ANO4: variants seen among roughly 807,000 people sequenced by gnomAD.
ANO4 encodes anoctamin 4, also known as anoctamin-4.
A neutral mutation model predicts 141.9 loss-of-function variants in ANO4; 69 were observed. That is an observed-to-expected ratio of 0.49 (90% CI 0.40 to 0.59). The LOEUF (loss-of-function observed/expected upper bound fraction) is 0.59, where lower values mean the gene tolerates loss of function less well. Among genes scored for constraint, ANO4 ranks in the 20% least tolerant of loss-of-function variants. The pLI, the probability that ANO4 is intolerant of heterozygous loss-of-function variation, is 0.00. For synonymous variants in ANO4, 350 were observed against 394.3 expected (o/e 0.89, Z 1.33); for missense variants, 894 against 1,162.2 (o/e 0.77, Z 3.36).
chr12:100,805,587 G>A (rs536601522), intron 1 of ANO4, among the ~76,000 whole-genome samples: 69 of 152,302 alleles, frequency 4.5e-4, no homozygotes, highest in African/African-American at 1.6e-3. Context: ...CCATGAGCAT[G>A]AGCATTGATT....
At chr12:101,064,564 T>C (rs936048545) in intron 14 of ANO4, among the ~76,000 whole-genome samples, 2 of 151,962 alleles carry the variant, frequency 1.3e-5, no homozygotes, top group African/African-American at 4.8e-5. Flanking sequence ...ATGCCTAATG[T>C]ACATGATGGG....
At chr12:100,739,724 T>C (rs1275575836) in intron 2 of ANO4, 2 of 632,556 alleles carry the variant, frequency 3.2e-6, no homozygotes, top group Non-Finnish European at 5.8e-6. Flanking sequence ...TGCCTGTTTA[T>C]TATGAACATG....
chr12:100,935,124 C>T (rs2042232480), intron 3 of ANO4, among the ~76,000 whole-genome samples: 1 of 152,138 alleles, frequency 6.6e-6, no homozygotes, highest in Non-Finnish European at 1.5e-5. Context: ...ACTTCCAATA[C>T]AATGTTGAAT....
At chr12:100,982,210 G>T (rs1271503075) in intron 7 of ANO4, among the ~76,000 whole-genome samples, 5 of 152,158 alleles carry the variant, frequency 3.3e-5, no homozygotes, top group African/African-American at 1.2e-4. Context: ...GTGTAAGAGG[G>T]CTTTTGCTCA....
intron 14 of ANO4, among the ~76,000 whole-genome samples, chr12:101,074,715 A>G (rs1248872368): frequency 1.3e-5 from 2 of 152,350 alleles, no homozygotes; most frequent in African/African-American, 4.8e-5. Context: ...CGTTGATACT[A>G]TTATTAAGTT....
Position 101,077,890 on chromosome 12 carries a change from C to T in ANO4, c.1313-1303C>T, listed in dbSNP as rs181302739. ...GGGATTGTGGACCTGTATTACCCTC[C>T]TTCTTTTGCTTATCCGGAAATTAAG... On this transcript the variant is annotated intron_variant, in intron 14 of 27. Transcript: ENST00000392977. 1.7e-4 allele frequency among the ~76,000 whole-genome samples: 26 copies of T among 152,192 alleles called. No individual in the cohort carries two copies. The East Asian group carries it at 4.6e-3, about 27-fold the overall frequency.
intron 7 of ANO4, among the ~76,000 whole-genome samples, chr12:100,981,164 G>A (rs535501443): frequency 1.3e-5 from 2 of 152,166 alleles, no homozygotes; most frequent in African/African-American, 4.8e-5. Flanking sequence ...TTTCATCCTC[G>A]TTTTAAAAAA....
intron 25 of ANO4, among the ~76,000 whole-genome samples, chr12:101,117,931 T>C (rs1481513904): frequency 6.6e-6 from 1 of 152,098 alleles, no homozygotes; most frequent in Non-Finnish European, 1.5e-5. Context: ...TAAACACTCA[T>C]GCCAAGTTCC....
At chr12:100,793,538 A>G (rs1451282598), upstream of ANO4, among the ~76,000 whole-genome samples, 2 of 152,086 alleles carry the variant, frequency 1.3e-5, no homozygotes, top group East Asian at 3.9e-4. Context: ...CAGACAACTA[A>G]AATTAAAAAC....
chr12:100,996,902 C>CAA (rs2045403116), intron 8 of ANO4, among the ~76,000 whole-genome samples: 1 of 152,164 alleles, frequency 6.6e-6, no homozygotes, highest in African/African-American at 2.4e-5. Flanking sequence ...CCACTGTTTA[C>CAA]TAAACAACTC....
chr12:100,986,832 G>A (rs986918573), intron 7 of ANO4, among the ~76,000 whole-genome samples: 5 of 152,174 alleles, frequency 3.3e-5, no homozygotes, highest in Admixed American at 6.5e-5. Flanking sequence ...CAGTGGAACC[G>A]AGGGACCAGG....
chr12:100,896,035 A>T (rs12303057), intron 1 of ANO4, among the ~76,000 whole-genome samples: 1 of 152,016 alleles, frequency 6.6e-6, no homozygotes, highest in African/African-American at 2.4e-5. Flanking sequence ...AGATGGAGAT[A>T]AGGAGTGCAT....
chr12:100,936,710 T>G (rs1208370726), intron 3 of ANO4, among the ~76,000 whole-genome samples: 2 of 152,200 alleles, frequency 1.3e-5, no homozygotes, highest in Non-Finnish European at 2.9e-5. Context: ...ATATCTCTTC[T>G]GCCTTCTCAT....
intron 1 of ANO4, among the ~76,000 whole-genome samples, chr12:100,724,424 C>G (rs2031012679): frequency 6.6e-6 from 1 of 152,166 alleles, no homozygotes; most frequent in South Asian, 2.1e-4. Flanking sequence ...GGGTCTCACT[C>G]AGGTCTGATG....
intron 17 of ANO4, among the ~76,000 whole-genome samples, chr12:101,091,753 T>A (rs1001906195): frequency 5.9e-5 from 9 of 152,248 alleles, no homozygotes; most frequent in Middle Eastern, 3.4e-3. Flanking sequence ...GATTAAAGAC[T>A]CTGATTTTTT....
At chr12:101,018,117 G>A (rs2046385410) in intron 8 of ANO4, among the ~76,000 whole-genome samples, 1 of 152,152 alleles carries the variant, frequency 6.6e-6, no homozygotes, top group South Asian at 2.1e-4. Flanking sequence ...GAATTGTGAG[G>A]CAAAATGTGC....
intron 2 of ANO4, chr12:100,739,773 T>A (rs767714072): frequency 3.0e-6 from 2 of 671,426 alleles, no homozygotes; most frequent in Non-Finnish European, 5.5e-6. Context: ...GACTAACAGC[T>A]AAGATTTTGG....
intron 1 of ANO4, among the ~76,000 whole-genome samples, chr12:100,728,908 C>T (rs2031254755): frequency 6.6e-6 from 1 of 152,058 alleles, no homozygotes. Context: ...CATGTAGCCA[C>T]CACCTCGGTT....
At position 100,971,267 on chromosome 12, in the gene ANO4, G is replaced by A. The variant is rs745542927; in HGVS notation, c.457-39G>A. The A allele has an allele frequency of 2.1e-6, 3 of 1,450,806 alleles. No individual in the cohort carries two copies. In the Admixed American group the frequency reaches 5.1e-5, roughly 25 times the overall value. The allele number at this position is 1,450,806 out of a possible 1,614,324, so 89.9% of individuals were successfully genotyped here. ...ACTCAACTTAAACTGTGGGAGCCTT[G>A]AATATACTTTTCAATTTAGTTTCTT... On this transcript the variant is annotated intron_variant, in intron 5 of 27. Transcript: ENST00000392977.
Sources: gnomAD v4.1 joint callset for allele counts (sites outside exome capture counted in the v4.1 genomes callset) on GRCh38, gnomAD v4.1.1 for gene constraint, MANE v1.5 for transcripts, NCBI Gene and HGNC (gene_info 2026-07-23, HGNC 2026-07-21) for gene names.